Variants in XPR1 observed in about 807,000 individuals in gnomAD.
XPR1 encodes xenotropic and polytropic retrovirus receptor 1.
In XPR1, 28 loss-of-function variants were observed where a neutral mutation model predicts 87.5. That is an observed-to-expected ratio of 0.32 (90% CI 0.24 to 0.44). The LOEUF (loss-of-function observed/expected upper bound fraction) is 0.44, where lower values mean the gene tolerates loss of function less well. Among genes scored for constraint, XPR1 ranks in the 20% least tolerant of loss-of-function variants. XPR1 has a pLI of 1.00. For missense variants in XPR1, 559 were observed against 862.3 expected, an observed-to-expected ratio of 0.65 and a Z score of 4.41; for synonymous variants, 300 against 306.1, an observed-to-expected ratio of 0.98 and a Z score of 0.21.
intron 13 of XPR1, 76 bp downstream of exon 13, chr1:180,874,018 T>G: frequency 7.1e-7 from 1 of 1,415,504 alleles, no homozygotes; most frequent in Non-Finnish European, 9.5e-7. Flanking sequence ...AATTAGAATT[T>G]ATTATAACTT....
At chr1:180,737,342 G>A (rs1462040985) in intron 2 of XPR1, among the ~76,000 whole-genome samples, 1 of 152,178 alleles carries the variant, frequency 6.6e-6, no homozygotes, top group Non-Finnish European at 1.5e-5. Context: ...TTCAGGCTAT[G>A]TATACCTATT....
intron 13 of XPR1, among the ~76,000 whole-genome samples, chr1:180,875,486 G>A (rs1438857344): frequency 6.8e-6 from 1 of 147,214 alleles, no homozygotes; most frequent in Non-Finnish European, 1.5e-5. Context: ...TCCAGCCTGG[G>A]TGACAGAGCA....
At chr1:180,707,690 C>T (rs1365422433) in intron 2 of XPR1, among the ~76,000 whole-genome samples, 1 of 152,146 alleles carries the variant, frequency 6.6e-6, no homozygotes, top group Non-Finnish European at 1.5e-5. Flanking sequence ...CTCCAGAAAA[C>T]CTACAGAATG....
intron 8 of XPR1, 101 bp downstream of exon 8, chr1:180,825,044 A>G (rs1244166544): frequency 1.3e-6 from 2 of 1,499,408 alleles, no homozygotes; most frequent in Non-Finnish European, 1.8e-6. Context: ...CTTGAAGAGG[A>G]TTATTAGCTT....
At chr1:180,800,908 G>A (rs1649756014) in intron 3 of XPR1, among the ~76,000 whole-genome samples, 1 of 152,148 alleles carries the variant, frequency 6.6e-6, no homozygotes, top group Admixed American at 6.5e-5. Flanking sequence ...AAGAGGTAGT[G>A]ACTCTCTGTT....
intron 2 of XPR1, among the ~76,000 whole-genome samples, chr1:180,726,298 C>T (rs916038594): frequency 6.6e-6 from 1 of 152,198 alleles, no homozygotes; most frequent in African/African-American, 2.4e-5. Context: ...GCTGGCCACC[C>T]CAGCCAGCAG....
At chr1:180,634,358 C>T (rs1332835569) in intron 1 of XPR1, among the ~76,000 whole-genome samples, 2 of 152,114 alleles carry the variant, frequency 1.3e-5, no homozygotes, top group South Asian at 2.1e-4. Context: ...TTAAATGAGG[C>T]GCACTTTTCT....
intron 12 of XPR1, among the ~76,000 whole-genome samples, chr1:180,873,463 G>A (rs1411330771): frequency 6.6e-6 from 1 of 152,194 alleles, no homozygotes; most frequent in East Asian, 1.9e-4. Flanking sequence ...CTGTTAGAAT[G>A]TAATCTCAAT....
chr1:180,663,503 C>T (rs575659830), intron 1 of XPR1, among the ~76,000 whole-genome samples: 3 of 152,180 alleles, frequency 2.0e-5, no homozygotes, highest in Admixed American at 6.5e-5. Flanking sequence ...CAGAGTTTAT[C>T]TTTCTGTGCT....
chr1:180,777,399 T>C (rs1287446776), intron 2 of XPR1, among the ~76,000 whole-genome samples: 2 of 152,234 alleles, frequency 1.3e-5, no homozygotes, highest in East Asian at 3.8e-4. Context: ...TTCTACCCTT[T>C]GTATATTTGT....
intron 2 of XPR1, among the ~76,000 whole-genome samples, chr1:180,714,148 T>G (rs1657900362): frequency 6.6e-6 from 1 of 152,192 alleles, no homozygotes; most frequent in Non-Finnish European, 1.5e-5. Flanking sequence ...TTATAATATT[T>G]CCTTATTATC....
rs1299590747 is a variant in XPR1, at chr1:180,632,224, C to A, written c.23C>A (p.Ser8Tyr). The stretch of plus-strand genomic sequence containing the variant: ...AGGATGAAGTTCGCCGAGCACCTCT[C>A]CGCGCACATCACTCCCGAGTGGAGG... MKFAEHL[S>Y]AHITPEWRKQ... The change falls in exon 1 of 15, where the codon TCC becomes TAC. Residue 8 changes from serine to tyrosine, a missense_variant. Ser to Tyr is a moderately radical substitution (Grantham distance 144). This residue lies in a region of XPR1 where 159 missense variants were observed against 263.3 expected (regional missense o/e 0.60). Coordinates refer to ENST00000367590, the MANE Select transcript of XPR1 (RefSeq NM_004736.4). 13 of 1,611,436 alleles carry A rather than the reference C, an allele frequency of 8.1e-6. No individual in the cohort carries two copies. The highest frequency in any genetic ancestry group is 1.1e-5 in the Non-Finnish European group (13 of 1,178,734).
At chr1:180,758,114 TACACACACACACAC>T (rs71121050) in intron 2 of XPR1, among the ~76,000 whole-genome samples, 3,923 of 141,170 alleles carry the variant, frequency 0.028, 186 homozygotes, top group African/African-American at 0.096. Flanking sequence ...TATAGAAGGA[TACACACACACACAC>T]ACACACACAC....
chr1:180,635,432 G>A (rs1654729410), intron 1 of XPR1, among the ~76,000 whole-genome samples: 1 of 152,162 alleles, frequency 6.6e-6, no homozygotes, highest in Admixed American at 6.5e-5. Flanking sequence ...ATATGACCAT[G>A]TTAATATTTT....
chr1:180,706,772 T>C (rs1356193190), intron 2 of XPR1, among the ~76,000 whole-genome samples: 1 of 152,040 alleles, frequency 6.6e-6, no homozygotes, highest in East Asian at 1.9e-4. Context: ...CCACCATGCC[T>C]GGCTATTTTT....
intron 1 of XPR1, among the ~76,000 whole-genome samples, chr1:180,657,568 C>T (rs182680631): frequency 6.6e-6 from 1 of 152,232 alleles, no homozygotes; most frequent in East Asian, 1.9e-4. Context: ...AATGTATGTT[C>T]TTGGCACCTT....
chr1:180,794,384 T>G (rs1357776935), intron 3 of XPR1, among the ~76,000 whole-genome samples: 2 of 152,234 alleles, frequency 1.3e-5, no homozygotes, highest in African/African-American at 4.8e-5. Context: ...TCTGTGGCAC[T>G]ACGACTGTAC....
At position 180,888,085 on chromosome 1, in the gene XPR1, G is replaced by A. The variant is rs1653072319; in HGVS notation, c.*4019G>A. 1.3e-5 allele frequency: 2 copies of A among 152,178 alleles called. No individual in the cohort carries two copies. The highest frequency in any genetic ancestry group is 2.4e-5 in the African/African-American group (1 of 41,444). The allele number at this position is 152,178 out of a possible 1,614,324, so 9.4% of individuals were successfully genotyped here. A position where few individuals can be genotyped will look rare whatever the true frequency, so the allele number is the denominator to read the frequency against. ...GGAAAGTACGTGAGCCTGATGACGC[G>A]AAGGTGATGCCTCCATCTGTCCGCT... On this transcript the variant is annotated 3_prime_UTR_variant, in exon 15 of 15. Coordinates refer to ENST00000367590, the MANE Select transcript of XPR1 (RefSeq NM_004736.4).
intron 2 of XPR1, among the ~76,000 whole-genome samples, chr1:180,706,787 A>T (rs535665609): frequency 0.011 from 1,669 of 151,040 alleles, 18 homozygotes; most frequent in Non-Finnish European, 0.017. Context: ...ATTTTTTTTT[A>T]TTTTTTATTT....
Sources: allele counts gnomAD v4.1 joint callset (sites outside exome capture counted in the v4.1 genomes callset), GRCh38; gene constraint gnomAD v4.1.1; regional missense constraint gnomAD v4.1.1; transcripts MANE v1.5; gene names NCBI Gene and HGNC (gene_info 2026-07-23, HGNC 2026-07-21).